Variants in CFHR4 observed in about 807,000 individuals in gnomAD.
The protein encoded by CFHR4 is complement factor H related 4.
CFHR4 carries 64 observed loss-of-function variants against 69.3 expected under a neutral mutation model. That is an observed-to-expected ratio of 0.92 (90% CI 0.76 to 1.14). The LOEUF (loss-of-function observed/expected upper bound fraction) is 1.14. CFHR4 is among the 50% of genes most tolerant of loss of function. The pLI is 0.00. For synonymous variants in CFHR4, 244 were observed against 237.0 expected, an observed-to-expected ratio of 1.03 and a Z score of -0.27; for missense variants, 636 against 684.9, an observed-to-expected ratio of 0.93 and a Z score of 0.80.
At chr1:196,918,167 AG>A in intron 9 of CFHR4, 42 bp from the exon 10 acceptor site, 1 of 1,576,058 alleles carries the variant, frequency 6.3e-7, no homozygotes, top group Non-Finnish European at 8.6e-7. Context: ...TGCTCATGAA[AG>A]GCAAGATTAT....
At chr1:196,897,442 T>C (rs1475153295) in intron 1 of CFHR4, among the ~76,000 whole-genome samples, 1 of 151,478 alleles carries the variant, frequency 6.6e-6, no homozygotes, top group East Asian at 1.9e-4. Flanking sequence ...CTGGGGCCAG[T>C]GTGACAGACT....
In CFHR4 at chr1:196,918,362, G is replaced by C. The variant is rs1658781549; in HGVS notation, c.1693G>C (p.Ala565Pro). The C allele has an allele frequency of 1.2e-6, 2 of 1,612,266 alleles. No individual in the cohort carries two copies. Among genetic ancestry groups the C allele is most frequent in the African/African-American group, 2.7e-5 (2 of 74,494 alleles). Residue 565 changes from alanine (A) to proline (P), a missense_variant, in exon 10 of 10, where the codon GCA becomes CCA. By Grantham distance (27) the Ala-to-Pro change is conservative. Coordinates refer to ENST00000608469, the MANE Select transcript of CFHR4 (RefSeq NM_001201550.3). ...NANTSVLSFQ[A>P]VCREGIVEYP... ...GAATACATCAGTTCTATCATTTCAAGCAGTGTGTAGGGAAGGCATAGTGGA... is the reference window on the plus strand; with the variant it reads ...GAATACATCAGTTCTATCATTTCAACCAGTGTGTAGGGAAGGCATAGTGGA...
chr1:196,907,399 T>A lies in CFHR4; in HGVS notation c.700T>A (p.Ser234Thr), dbSNP rs749078259. The change falls in exon 5 of 10, where the codon TCA becomes ACA. Residue 234 changes from serine to threonine, a missense_variant. This residue lies in a region of CFHR4 where 529 missense variants were observed against 533.2 expected (regional missense o/e 0.99). Transcript: ENST00000608469. ...CCCGCAAAAAGTGTATCTGCCATGG[T>A]CAAGAGTCGAGTACCAGTGCCAGTC... is the stretch of plus-strand genomic sequence containing the variant. Reference protein sequence around the residue: ...SFPQKVYLPWSRVEYQCQSYY... With the variant: ...SFPQKVYLPWTRVEYQCQSYY... The A allele has an allele frequency of 2.4e-4, 389 of 1,611,950 alleles. 2 individuals carry two copies. The highest frequency in any genetic ancestry group is 5.2e-4 in the Admixed American group (31 of 59,862).
At chr1:196,908,907 A>C (rs1658075240) in intron 5 of CFHR4, among the ~76,000 whole-genome samples, 1 of 151,288 alleles carries the variant, frequency 6.6e-6, no homozygotes, top group Admixed American at 6.6e-5. Context: ...ATATTGACTG[A>C]TGATGCTGAT....
chr1:196,902,530 T>C lies in CFHR4; in HGVS notation c.171T>C (p.Asp57=). 6.2e-7 allele frequency: 1 copy of C among 1,612,058 alleles called. No homozygotes were observed. The highest frequency in any genetic ancestry group is 8.5e-7 in the Non-Finnish European group (1 of 1,179,010). Residue 57 remains aspartate, a synonymous_variant, in exon 2 of 10, where the codon GAT becomes GAC. Coordinates refer to ENST00000608469, the MANE Select transcript of CFHR4 (RefSeq NM_001201550.3). ...AAGQSYSYYC[D]QNFVTPSGSY... is the part of the protein sequence containing the mutation. ...GACAATCTTATTCCTATTACTGTGA[T>C]CAAAATTTTGTGACTCCTTCAGGAA...
intron 5 of CFHR4, among the ~76,000 whole-genome samples, chr1:196,907,802 T>G (rs1657996877): frequency 6.6e-6 from 1 of 151,456 alleles, no homozygotes; most frequent in Admixed American, 6.6e-5. Flanking sequence ...CATCTCACCT[T>G]AACATCAATA....
intron 1 of CFHR4, among the ~76,000 whole-genome samples, chr1:196,896,470 G>T (rs1657300864): frequency 6.6e-6 from 1 of 151,446 alleles, no homozygotes; most frequent in Non-Finnish European, 1.5e-5. Context: ...AACAATGGCC[G>T]CCTATCTTTC....
chr1:196,914,934 C>A (rs768017543), intron 8 of CFHR4, 22 bp from the exon 9 acceptor site: 1 of 1,605,928 alleles, frequency 6.2e-7, no homozygotes, highest in Non-Finnish European at 8.5e-7. Flanking sequence ...TTTTTCCCCA[C>A]ATATAAAGTA....
At position 196,906,551 on chromosome 1, in the gene CFHR4, T is replaced by C. The variant is rs1400616288; in HGVS notation, c.440-310T>C. Among the ~76,000 whole-genome samples, 9 of 151,592 alleles carry C rather than the reference T, an allele frequency of 5.9e-5. 2 individuals carry two copies. The highest frequency in any genetic ancestry group is 6.6e-5 in the Admixed American group (1 of 15,210). ...TTATCTTCTTTAAAATAATACATTA[T>C]AGTGATAAAGGTAGACTGTAATAAC... On this transcript the variant is annotated intron_variant, in intron 3 of 9. Coordinates refer to ENST00000608469, the MANE Select transcript of CFHR4 (RefSeq NM_001201550.3).
At chr1:196,916,004 A>G (rs1173383225) in intron 9 of CFHR4, among the ~76,000 whole-genome samples, 1 of 151,600 alleles carries the variant, frequency 6.6e-6, no homozygotes, top group Non-Finnish European at 1.5e-5. Context: ...TTTTATCAGT[A>G]TTCCTAGCAA....
At chr1:196,889,963 C>T (rs543330263) in intron 1 of CFHR4, among the ~76,000 whole-genome samples, 1 of 151,552 alleles carries the variant, frequency 6.6e-6, no homozygotes, top group East Asian at 1.9e-4. Context: ...GCCCTGTTGA[C>T]AGCCACATCT....
intron 9 of CFHR4, among the ~76,000 whole-genome samples, chr1:196,917,823 C>T (rs192060697): frequency 1.5e-4 from 22 of 151,670 alleles, no homozygotes; most frequent in Admixed American, 7.3e-4. Flanking sequence ...ATTTGGAGTG[C>T]TTGTAGTCAC....
At chr1:196,907,553 GTTTA>G in intron 5 of CFHR4, 55 bp downstream of exon 5, 1 of 1,454,274 alleles carries the variant, frequency 6.9e-7, no homozygotes, top group Non-Finnish European at 9.5e-7. Flanking sequence ...TTTGATCCTT[GTTTA>G]TTTATACTAA....
chr1:196,904,586 G>C (rs1421854744), intron 2 of CFHR4, among the ~76,000 whole-genome samples: 1 of 151,250 alleles, frequency 6.6e-6, no homozygotes, highest in Non-Finnish European at 1.5e-5. Context: ...GTTTTTTCCT[G>C]CTTACATTTC....
intron 1 of CFHR4, among the ~76,000 whole-genome samples, chr1:196,893,070 TG>T (rs781289216): frequency 1.1e-4 from 16 of 151,788 alleles, no homozygotes; most frequent in Middle Eastern, 3.4e-3. Flanking sequence ...CTCCACTGCG[TG>T]GTTCACCCAC....
intron 6 of CFHR4, among the ~76,000 whole-genome samples, chr1:196,912,324 C>T (rs1206805373): frequency 6.6e-6 from 1 of 151,350 alleles, no homozygotes; most frequent in East Asian, 1.9e-4. Context: ...CCTATGGTAG[C>T]AGTGTGTACC....
intron 1 of CFHR4, among the ~76,000 whole-genome samples, chr1:196,892,546 A>G (rs1194322345): frequency 1.3e-5 from 2 of 151,318 alleles, no homozygotes; most frequent in Non-Finnish European, 2.9e-5. Context: ...AGTTCTGTCA[A>G]TAATTACCAT....
At chr1:196,903,692 T>C (rs748707548) in intron 2 of CFHR4, among the ~76,000 whole-genome samples, 7 of 150,906 alleles carry the variant, frequency 4.6e-5, no homozygotes, top group Non-Finnish European at 1.0e-4. Context: ...TATGTATATA[T>C]ATACACACAC....
chr1:196,900,679 G>A (rs1657556382), intron 1 of CFHR4, among the ~76,000 whole-genome samples: 1 of 151,334 alleles, frequency 6.6e-6, no homozygotes, highest in Non-Finnish European at 1.5e-5. Context: ...AGTGTTAAAT[G>A]ATCTATGTTG....
Sources: allele counts gnomAD v4.1 joint callset (sites outside exome capture counted in the v4.1 genomes callset), GRCh38; gene constraint gnomAD v4.1.1; regional missense constraint gnomAD v4.1.1; transcripts MANE v1.5; gene names NCBI Gene and HGNC (gene_info 2026-07-23, HGNC 2026-07-21).